Variants in SH3GL2 observed in about 807,000 individuals in gnomAD.
The protein encoded by SH3GL2 is endophilin-A1.
A neutral mutation model predicts 46.0 loss-of-function variants in SH3GL2; 24 were observed. The observed-to-expected ratio is 0.52, with a 90% CI of 0.38 to 0.73. SH3GL2 has a LOEUF of 0.73. SH3GL2 is among the 30% of genes least tolerant of loss of function. The pLI is 0.00. For synonymous variants in SH3GL2, 196 were observed against 147.1 expected (o/e 1.33, Z -2.40); for missense variants, 413 against 424.2 (o/e 0.97, Z 0.23).
At chr9:17,596,286 A>G (rs1818570089) in intron 1 of SH3GL2, among the ~76,000 whole-genome samples, 1 of 152,196 alleles carries the variant, frequency 6.6e-6, no homozygotes, top group Non-Finnish European at 1.5e-5. Context: ...GATGTGTACA[A>G]ACATTATAAG....
At chr9:17,791,131 T>G (rs967831137) in intron 6 of SH3GL2, 100 bp from the exon 7 acceptor site, 32 of 777,582 alleles carry the variant, frequency 4.1e-5, no homozygotes, top group Non-Finnish European at 7.1e-5. Flanking sequence ...AACCAGGGGC[T>G]GTGTGTTGAG....
At chr9:17,602,368 G>A (rs573903657) in intron 1 of SH3GL2, among the ~76,000 whole-genome samples, 76 of 152,298 alleles carry the variant, frequency 5.0e-4, no homozygotes, top group South Asian at 1.0e-3. Context: ...TTCATTGTCA[G>A]TTTAATTGTT....
chr9:17,670,771 C>T (rs1237153586), intron 1 of SH3GL2, among the ~76,000 whole-genome samples: 4 of 151,908 alleles, frequency 2.6e-5, no homozygotes, highest in Non-Finnish European at 5.9e-5. Flanking sequence ...AGTTTTTTTC[C>T]TCTTTTTATT....
intron 6 of SH3GL2, among the ~76,000 whole-genome samples, chr9:17,790,808 G>A (rs1824105339): frequency 6.6e-6 from 1 of 152,258 alleles, no homozygotes; most frequent in Non-Finnish European, 1.5e-5. Context: ...TACATTATGT[G>A]AGATATTGTC....
At chr9:17,721,772 G>C (rs1469583373) in intron 1 of SH3GL2, among the ~76,000 whole-genome samples, 1 of 152,060 alleles carries the variant, frequency 6.6e-6, no homozygotes, top group Non-Finnish European at 1.5e-5. Flanking sequence ...AGTTTGAAGA[G>C]AGGCCTTCCC....
chr9:17,707,183 ACT>A (rs1821492805), intron 1 of SH3GL2, among the ~76,000 whole-genome samples: 1 of 151,908 alleles, frequency 6.6e-6, no homozygotes, highest in Non-Finnish European at 1.5e-5. Context: ...AAGACCCTTG[ACT>A]CTCTGATTCT....
At chr9:17,652,855 T>TC (rs1819987739) in intron 1 of SH3GL2, among the ~76,000 whole-genome samples, 1 of 152,190 alleles carries the variant, frequency 6.6e-6, no homozygotes. Flanking sequence ...GTTACTTACT[T>TC]CCTTCTATAT....
chr9:17,715,446 A>G (rs1210063363), intron 1 of SH3GL2, among the ~76,000 whole-genome samples: 1 of 149,656 alleles, frequency 6.7e-6, no homozygotes, highest in Non-Finnish European at 1.5e-5. Flanking sequence ...AACTTCACTT[A>G]CTCTTCTGTT....
At chr9:17,735,457 G>C (rs1305755579) in intron 1 of SH3GL2, among the ~76,000 whole-genome samples, 2 of 152,122 alleles carry the variant, frequency 1.3e-5, no homozygotes, top group Non-Finnish European at 2.9e-5. Context: ...ATGACATATA[G>C]CTACAGTTGA....
intron 1 of SH3GL2, among the ~76,000 whole-genome samples, chr9:17,680,463 A>G (rs903371499): frequency 1.6e-4 from 25 of 151,910 alleles, no homozygotes; most frequent in African/African-American, 4.8e-4. Flanking sequence ...TTTCTGTGGG[A>G]TTGGTGGTGA....
chr9:17,665,188 A>G (rs559368026), intron 1 of SH3GL2, among the ~76,000 whole-genome samples: 35 of 152,162 alleles, frequency 2.3e-4, no homozygotes, highest in Non-Finnish European at 4.6e-4. Context: ...TCCTAAGAAT[A>G]AGGACATTTT....
chr9:17,681,794 T>G (rs554516958), intron 1 of SH3GL2, among the ~76,000 whole-genome samples: 2 of 152,078 alleles, frequency 1.3e-5, no homozygotes, highest in Non-Finnish European at 2.9e-5. Flanking sequence ...AAAATTTTTG[T>G]AATCTACCCA....
intron 1 of SH3GL2, among the ~76,000 whole-genome samples, chr9:17,700,725 G>A (rs924126666): frequency 6.6e-6 from 1 of 152,132 alleles, no homozygotes; most frequent in Non-Finnish European, 1.5e-5. Flanking sequence ...AATCCTGTCA[G>A]CAATAACGCC....
intron 1 of SH3GL2, among the ~76,000 whole-genome samples, chr9:17,588,321 T>C (rs1818418158): frequency 6.6e-6 from 1 of 152,204 alleles, no homozygotes; most frequent in Non-Finnish European, 1.5e-5. Flanking sequence ...TCTCCTCCCC[T>C]TTGAGTGTGG....
At chr9:17,713,115 A>G (rs1474874105) in intron 1 of SH3GL2, among the ~76,000 whole-genome samples, 2 of 150,828 alleles carry the variant, frequency 1.3e-5, no homozygotes, top group Admixed American at 1.3e-4. Context: ...ATTTTGTCAC[A>G]TGCTGTTGAG....
intron 1 of SH3GL2, among the ~76,000 whole-genome samples, chr9:17,683,854 A>G (rs1042092034): frequency 6.6e-6 from 1 of 152,132 alleles, no homozygotes; most frequent in Non-Finnish European, 1.5e-5. Flanking sequence ...CCAAGGACAC[A>G]TGAAACCTGT....
intron 1 of SH3GL2, among the ~76,000 whole-genome samples, chr9:17,593,421 TG>T (rs1240359952): frequency 2.6e-5 from 4 of 151,552 alleles, no homozygotes; most frequent in African/African-American, 4.9e-5. Flanking sequence ...ATCTGCAGAA[TG>T]GGTTGCTGGT....
rs7033680 is a variant in SH3GL2 at position 17,622,940 on chromosome 9, G to A, written c.45+43653G>A. ...ATGAAATTATACCTGCTCCTTCCTT[G>A]CTTCTTCCTTCCCTTCCTCCCTCCC... On this transcript the variant is annotated intron_variant, in intron 1 of 8. Coordinates refer to ENST00000380607, the MANE Select transcript of SH3GL2 (RefSeq NM_003026.5). 3.9e-4 allele frequency among the ~76,000 whole-genome samples: 57 copies of A among 147,640 alleles called. No homozygotes were observed. The East Asian group carries it at 7.6e-3, about 20-fold the overall frequency.
intron 1 of SH3GL2, among the ~76,000 whole-genome samples, chr9:17,708,319 G>A (rs1045068639): frequency 6.6e-6 from 1 of 151,840 alleles, no homozygotes; most frequent in South Asian, 2.1e-4. Flanking sequence ...TTTTGTTTCT[G>A]CTTAAATGAT....
Sources: allele counts gnomAD v4.1 joint callset (sites outside exome capture counted in the v4.1 genomes callset), GRCh38; gene constraint gnomAD v4.1.1; transcripts MANE v1.5; gene names NCBI Gene and HGNC (gene_info 2026-07-23, HGNC 2026-07-21).